Variants in ASAP2 observed in about 807,000 individuals in gnomAD.
ASAP2 encodes arf-GAP with SH3 domain, ANK repeat and PH domain-containing protein 2.
ASAP2 carries 45 observed loss-of-function variants against 131.4 expected under a neutral mutation model. The ratio of observed to expected loss-of-function variants is 0.34; its 90% confidence interval spans 0.27 to 0.44. The LOEUF is 0.44. Among genes scored for constraint, ASAP2 ranks in the 20% least tolerant of loss-of-function variants. The pLI is 1.00. For missense variants in ASAP2, 1,011 were observed against 1,297.0 expected (o/e 0.78, Z 3.39); for synonymous variants, 510 against 503.0 (o/e 1.01, Z -0.19).
chr2:9,361,862 G>A (rs113395008), intron 15 of ASAP2, among the ~76,000 whole-genome samples: 71 of 152,254 alleles, frequency 4.7e-4, no homozygotes, highest in African/African-American at 1.7e-3. Flanking sequence ...ACTGCGCTTG[G>A]CCTCAAGCCT....
At chr2:9,257,601 C>T (rs993460322) in intron 1 of ASAP2, among the ~76,000 whole-genome samples, 15 of 152,202 alleles carry the variant, frequency 9.9e-5, no homozygotes, top group African/African-American at 3.4e-4. Flanking sequence ...TCACGTCAAC[C>T]TTCGTTTCCC....
intron 1 of ASAP2, among the ~76,000 whole-genome samples, chr2:9,218,256 C>T (rs1558242571): frequency 6.6e-6 from 1 of 152,184 alleles, no homozygotes; most frequent in Non-Finnish European, 1.5e-5. Context: ...TGTTGATCAC[C>T]TGCAGTCCCC....
intron 3 of ASAP2, among the ~76,000 whole-genome samples, chr2:9,313,642 C>G (rs1669462063): frequency 6.6e-6 from 1 of 152,214 alleles, no homozygotes; most frequent in African/African-American, 2.4e-5. Flanking sequence ...GACCGCACAG[C>G]ATTGGCTCCC....
At chr2:9,313,926 T>C (rs529473615) in intron 3 of ASAP2, among the ~76,000 whole-genome samples, 2 of 152,336 alleles carry the variant, frequency 1.3e-5, no homozygotes, top group African/African-American at 4.8e-5. Context: ...TTGGTGTGTA[T>C]GTACATAATT....
intron 1 of ASAP2, among the ~76,000 whole-genome samples, chr2:9,276,803 G>T (rs1284268427): frequency 6.6e-6 from 1 of 152,174 alleles, no homozygotes; most frequent in Non-Finnish European, 1.5e-5. Flanking sequence ...ACCTCTCAAA[G>T]TGTTGGGATT....
intron 1 of ASAP2, among the ~76,000 whole-genome samples, chr2:9,228,371 A>G (rs964775953): frequency 1.3e-5 from 2 of 152,202 alleles, no homozygotes; most frequent in African/African-American, 4.8e-5. Flanking sequence ...ATCCTTGAGA[A>G]GAGAAAGATT....
At chr2:9,284,805 G>A (rs1452412486) in intron 2 of ASAP2, among the ~76,000 whole-genome samples, 1 of 152,176 alleles carries the variant, frequency 6.6e-6, no homozygotes, top group Non-Finnish European at 1.5e-5. Flanking sequence ...TAGTGTAGGA[G>A]GGGTGAACTT....
intron 18 of ASAP2, among the ~76,000 whole-genome samples, chr2:9,378,506 C>A (rs949434921): frequency 6.6e-6 from 1 of 152,218 alleles, no homozygotes. Flanking sequence ...GCTCAGCCTC[C>A]GTCCTCCCGT....
At chr2:9,304,608 G>A (rs1668711207) in intron 3 of ASAP2, among the ~76,000 whole-genome samples, 5 of 151,690 alleles carry the variant, frequency 3.3e-5, no homozygotes, top group Admixed American at 2.6e-4. Flanking sequence ...ATAGATATTG[G>A]TGGAGAGGCT....
chr2:9,244,248 A>T (rs1314294804), intron 1 of ASAP2, among the ~76,000 whole-genome samples: 2 of 152,304 alleles, frequency 1.3e-5, no homozygotes, highest in Admixed American at 6.5e-5. Context: ...GTGAGCCAAG[A>T]TCGCGCCACT....
chr2:9,334,648 T>G, intron 7 of ASAP2, 90 bp from the exon 8 acceptor site: 1 of 1,144,702 alleles, frequency 8.7e-7, no homozygotes, highest in Admixed American at 2.0e-5. Context: ...CATAATGACT[T>G]CAGTCACTTT....
chr2:9,334,854 A>G, intron 8 of ASAP2, 41 bp downstream of exon 8: 1 of 1,562,924 alleles, frequency 6.4e-7, no homozygotes, highest in Non-Finnish European at 8.8e-7. Flanking sequence ...AACCATCTTA[A>G]TGCAACAGAC....
chr2:9,344,447 T>G (rs1671814589), intron 9 of ASAP2, 85 bp from the exon 10 acceptor site: 4 of 1,111,892 alleles, frequency 3.6e-6, no homozygotes, highest in Non-Finnish European at 5.2e-6. Flanking sequence ...AAAAAACACA[T>G]TAGGCATAAG....
At chr2:9,387,107 A>G (rs992671745) in intron 21 of ASAP2, among the ~76,000 whole-genome samples, 10 of 149,780 alleles carry the variant, frequency 6.7e-5, no homozygotes, top group East Asian at 3.9e-4. Context: ...CCAGCTACTC[A>G]GGAGGCTGAG....
chr2:9,275,889 G>T (rs1406269780), intron 1 of ASAP2, among the ~76,000 whole-genome samples: 7 of 152,150 alleles, frequency 4.6e-5, no homozygotes, highest in African/African-American at 1.7e-4. Context: ...TATAACCTAA[G>T]ATGTCCACAA....
At chr2:9,256,467 T>C (rs1331334124) in intron 1 of ASAP2, among the ~76,000 whole-genome samples, 1 of 152,252 alleles carries the variant, frequency 6.6e-6, no homozygotes, top group Non-Finnish European at 1.5e-5. Context: ...TTTCAGATGC[T>C]TCTTGTCTAA....
chr2:9,399,673 T>C, intron 24 of ASAP2: 1 of 334,852 alleles, frequency 3.0e-6, no homozygotes, highest in East Asian at 6.8e-5. Flanking sequence ...GGTTCAGCCC[T>C]GCCCTTTCAT....
Position 9,391,084 on chromosome 2 carries a change from C to T in ASAP2, c.2406C>T (p.Asn802=). Residue 802 remains asparagine (N), a synonymous_variant, in exon 23 of 28, where the codon AAC becomes AAT. Coordinates refer to ENST00000281419, the MANE Select transcript of ASAP2 (RefSeq NM_003887.3). ...CAGTTCAGACAGCCTCCTCTGCTAA[C>T]ACCCTGTGGAAGACAAACTCTGTAA... ...VGKVQTASSA[N]TLWKTNSVSV... The T allele has an allele frequency of 6.2e-7, 1 of 1,614,274 alleles. No individual in the cohort carries two copies. The highest frequency in any genetic ancestry group is 8.5e-7 in the Non-Finnish European group (1 of 1,180,058).
intron 6 of ASAP2, among the ~76,000 whole-genome samples, chr2:9,327,511 A>G (rs1670556209): frequency 1.3e-5 from 2 of 152,256 alleles, no homozygotes; most frequent in Admixed American, 1.3e-4. Flanking sequence ...ATGGTTAGAA[A>G]TCCCATTTAT....
Sources: allele counts gnomAD v4.1 joint callset (sites outside exome capture counted in the v4.1 genomes callset), GRCh38; gene constraint gnomAD v4.1.1; transcripts MANE v1.5; gene names NCBI Gene and HGNC (gene_info 2026-07-23, HGNC 2026-07-21).